TMEM132B: variants seen among roughly 807,000 people sequenced by gnomAD.
TMEM132B encodes the protein transmembrane protein 132B.
Under a neutral mutation model 90.8 loss-of-function variants are expected in TMEM132B, and 18 were observed. The ratio of observed to expected loss-of-function variants is 0.20; its 90% CI spans 0.14 to 0.29. TMEM132B has a LOEUF of 0.29. Among genes scored for constraint, TMEM132B ranks in the 10% least tolerant of loss-of-function variants. The probability of loss-of-function intolerance (pLI) is 1.00; values close to 1 mark genes in which losing one functional copy is unlikely to be tolerated. For synonymous variants in TMEM132B, 504 were observed against 523.3 expected, an observed-to-expected ratio of 0.96 and a Z score of 0.50; for missense variants, 1,096 against 1,326.8, an observed-to-expected ratio of 0.83 and a Z score of 2.70.
At chr12:125,529,366 G>A (rs2136691195) in intron 4 of TMEM132B, among the ~76,000 whole-genome samples, 1 of 152,304 alleles carries the variant, frequency 6.6e-6, no homozygotes, top group Middle Eastern at 3.4e-3. Context: ...AAAATTGTTA[G>A]GATTGCAGGC....
intron 1 of TMEM132B, among the ~76,000 whole-genome samples, chr12:125,327,220 T>A (rs375001572): frequency 6.6e-6 from 1 of 152,204 alleles, no homozygotes; most frequent in East Asian, 1.9e-4. Flanking sequence ...AGGTCTCTCC[T>A]GAGCTCCAGC....
At chr12:125,577,578 T>TTATTATATAGTTA (rs1884968629) in intron 4 of TMEM132B, among the ~76,000 whole-genome samples, 1 of 150,192 alleles carries the variant, frequency 6.7e-6, no homozygotes, top group South Asian at 2.1e-4. Context: ...ATATAATATT[T>TTATTATATAGTTA]ATATTATTAT....
chr12:125,462,716 G>A (rs757350920), intron 3 of TMEM132B, among the ~76,000 whole-genome samples: 2 of 152,148 alleles, frequency 1.3e-5, no homozygotes, highest in Admixed American at 6.5e-5. Flanking sequence ...TTCCATAAAG[G>A]CTTCTAAATA....
At chr12:125,419,602 C>T (rs750368019) in intron 3 of TMEM132B, among the ~76,000 whole-genome samples, 10 of 152,218 alleles carry the variant, frequency 6.6e-5, no homozygotes, top group South Asian at 4.1e-4. Context: ...GAGATTTGGG[C>T]GGGGACACAG....
At chr12:125,321,994 A>G (rs532216061) in intron 1 of TMEM132B, among the ~76,000 whole-genome samples, 4 of 152,250 alleles carry the variant, frequency 2.6e-5, no homozygotes, top group Non-Finnish European at 5.9e-5. Flanking sequence ...CTACTGATAA[A>G]TATAATAACA....
intron 1 of TMEM132B, among the ~76,000 whole-genome samples, chr12:125,223,827 C>G (rs1383894720): frequency 2.0e-5 from 3 of 151,998 alleles, no homozygotes. Flanking sequence ...TACTCTATTG[C>G]CTAGGGTGGC....
chr12:125,261,015 G>A (rs1004367414), intron 1 of TMEM132B, among the ~76,000 whole-genome samples: 4 of 152,034 alleles, frequency 2.6e-5, no homozygotes, highest in African/African-American at 9.7e-5. Flanking sequence ...GTGCCATCCA[G>A]TCATCTTCTG....
intron 5 of TMEM132B, among the ~76,000 whole-genome samples, chr12:125,599,719 C>G (rs974209158): frequency 1.3e-5 from 2 of 152,128 alleles, no homozygotes; most frequent in Non-Finnish European, 2.9e-5. Context: ...TGTTCTCAAA[C>G]TTAACCATTG....
intron 2 of TMEM132B, among the ~76,000 whole-genome samples, chr12:125,370,283 A>T (rs1215545642): frequency 6.6e-6 from 1 of 152,138 alleles, no homozygotes; most frequent in East Asian, 1.9e-4. Context: ...CAAGGATTTT[A>T]TGATTATGTT....
rs116049543 is a variant in TMEM132B at position 125,391,239 on chromosome 12, G to A, written c.960-24292G>A. On this transcript the variant is annotated intron_variant, in intron 2 of 8. Coordinates refer to ENST00000682704, the MANE Select transcript of TMEM132B (RefSeq NM_001366854.1). The stretch of plus-strand genomic sequence containing the variant: ...TGCCCTCAGGCTGCAGGTCATCCGC[G>A]GTTAAGTTCGTGTCAAGGTATGTTG... 5.2e-3 allele frequency among the ~76,000 whole-genome samples: 798 copies of A among 152,252 alleles called. 9 individuals are homozygous for A. Among genetic ancestry groups the A allele is most frequent in the African/African-American group, 0.017 (727 of 41,546 alleles).
At chr12:125,431,779 G>C (rs1880516663) in intron 3 of TMEM132B, among the ~76,000 whole-genome samples, 1 of 152,192 alleles carries the variant, frequency 6.6e-6, no homozygotes, top group Admixed American at 6.5e-5. Flanking sequence ...GAATGGCGAG[G>C]TGGGACAAGT....
intron 3 of TMEM132B, among the ~76,000 whole-genome samples, chr12:125,466,363 G>T (rs968796601): frequency 6.6e-6 from 1 of 152,148 alleles, no homozygotes; most frequent in Admixed American, 6.5e-5. Flanking sequence ...GGTGGAAATC[G>T]CTCTGTTCCC....
At chr12:125,636,712 T>A (rs1332096984) in intron 5 of TMEM132B, among the ~76,000 whole-genome samples, 1 of 152,222 alleles carries the variant, frequency 6.6e-6, no homozygotes, top group African/African-American at 2.4e-5. Context: ...AGACTAAGAC[T>A]TTTGTCCCAT....
chr12:125,373,569 C>G (rs1288453888), intron 2 of TMEM132B, among the ~76,000 whole-genome samples: 1 of 152,038 alleles, frequency 6.6e-6, no homozygotes, highest in Non-Finnish European at 1.5e-5. Flanking sequence ...GTTTAAGGCG[C>G]CCCCAGTCTA....
At chr12:125,622,698 C>T in intron 5 of TMEM132B, 1 of 982,114 alleles carries the variant, frequency 1.0e-6, no homozygotes, top group Non-Finnish European at 1.2e-6. Context: ...GTCTTTTCAG[C>T]TTGGGCCTTT....
intron 1 of TMEM132B, among the ~76,000 whole-genome samples, chr12:125,307,785 C>T (rs12425562): frequency 0.031 from 75 of 2,440 alleles, no homozygotes; most frequent in African/African-American, 0.075. Context: ...ACTTATAATA[C>T]AAGTATATTA....
intron 1 of TMEM132B, among the ~76,000 whole-genome samples, chr12:125,283,849 G>A (rs915642670): frequency 2.0e-5 from 3 of 152,158 alleles, no homozygotes; most frequent in South Asian, 4.1e-4. Context: ...GCTTGTTGTC[G>A]CAGAATCCTA....
intron 5 of TMEM132B, among the ~76,000 whole-genome samples, chr12:125,617,392 C>G (rs1886014413): frequency 6.7e-6 from 1 of 148,392 alleles, no homozygotes; most frequent in Non-Finnish European, 1.5e-5. Flanking sequence ...ATTGCCCAGG[C>G]TGGAGTGCAG....
chr12:125,366,650 T>A (rs1878142934), intron 2 of TMEM132B, among the ~76,000 whole-genome samples: 1 of 152,218 alleles, frequency 6.6e-6, no homozygotes, highest in South Asian at 2.1e-4. Context: ...TATGGACTTT[T>A]AAATGTTTAT....
Sources: gnomAD v4.1 joint callset for allele counts (sites outside exome capture counted in the v4.1 genomes callset) on GRCh38, gnomAD v4.1.1 for gene constraint, MANE v1.5 for transcripts, NCBI Gene and HGNC (gene_info 2026-07-23, HGNC 2026-07-21) for gene names.